ARSG: variants seen among roughly 807,000 people sequenced by gnomAD.
ARSG encodes arylsulfatase G.
In ARSG, 37 loss-of-function variants were observed where a neutral mutation model predicts 50.5. The observed-to-expected ratio is 0.73, with a 90% confidence interval of 0.56 to 0.96. The LOEUF is 0.96. ARSG is among the 50% of genes least tolerant of loss of function. The pLI is 0.00. For missense variants in ARSG, 629 were observed against 675.3 expected, an observed-to-expected ratio of 0.93 and a Z score of 0.76; for synonymous variants, 225 against 254.6, an observed-to-expected ratio of 0.88 and a Z score of 1.11.
At chr17:68,278,584 G>A (rs2075597526) in intron 1 of ARSG, among the ~76,000 whole-genome samples, 1 of 150,582 alleles carries the variant, frequency 6.6e-6, no homozygotes, top group Admixed American at 6.6e-5. Context: ...ACAGGCATGT[G>A]CCACCACAGC....
In ARSG at chr17:68,368,581, T is replaced by A; in HGVS notation, c.738T>A (p.Ala246=). 1.2e-6 allele frequency: 2 copies of A among 1,614,120 alleles called. No homozygotes were observed. The highest frequency in any genetic ancestry group is 1.7e-6 in the Non-Finnish European group (2 of 1,180,014). ...TSGRPFLLYV[A]LAHMHVPLPV... ...GGAGGCCCTTCCTGCTCTATGTGGC[T>A]CTGGCCCACATGCACGTGCCCTTAC... Residue 246 remains alanine (A), a synonymous_variant, in exon 7 of 12, where the codon GCT becomes GCA. Transcript: ENST00000621439.
At chr17:68,413,071 C>T (rs961648490) in intron 11 of ARSG, among the ~76,000 whole-genome samples, 2 of 151,858 alleles carry the variant, frequency 1.3e-5, no homozygotes, top group Non-Finnish European at 2.9e-5. Context: ...TTTGAATGTC[C>T]TCCCATAGCT....
intron 2 of ARSG, among the ~76,000 whole-genome samples, chr17:68,326,402 C>T (rs1273467153): frequency 2.6e-5 from 4 of 152,230 alleles, no homozygotes; most frequent in Non-Finnish European, 4.4e-5. Context: ...CGCGGTGGCT[C>T]ACACCTGTAA....
chr17:68,390,927 CTTT>C (rs34688174), intron 9 of ARSG, among the ~76,000 whole-genome samples: 2 of 141,250 alleles, frequency 1.4e-5, no homozygotes, highest in Admixed American at 7.1e-5. Context: ...GTGCCCGGTC[CTTT>C]TTTTTTTTTT....
intron 1 of ARSG, among the ~76,000 whole-genome samples, chr17:68,266,460 T>A (rs1426460797): frequency 1.0e-5 from 1 of 95,490 alleles, no homozygotes; most frequent in African/African-American, 4.2e-5. Flanking sequence ...AAAAAGTATA[T>A]ATATGTATAT....
intron 2 of ARSG, among the ~76,000 whole-genome samples, chr17:68,310,688 C>T (rs2076817800): frequency 6.6e-6 from 1 of 152,188 alleles, no homozygotes; most frequent in Admixed American, 6.5e-5. Context: ...ACGCATAGGG[C>T]ATCTCCACAG....
At chr17:68,266,437 CT>C (rs67615224) in intron 1 of ARSG, among the ~76,000 whole-genome samples, 1,408 of 95,118 alleles carry the variant, frequency 0.015, 70 homozygotes, top group African/African-American at 0.029. Context: ...TATATATATA[CT>C]TTTTTTTGTA....
intron 1 of ARSG, among the ~76,000 whole-genome samples, chr17:68,280,489 G>A (rs187190037): frequency 1.3e-5 from 2 of 152,084 alleles, no homozygotes; most frequent in Admixed American, 6.6e-5. Context: ...TAATCCACAT[G>A]TCTACACCCA....
chr17:68,354,420 A>AAAAAAAAG (rs1386172334), intron 5 of ARSG, among the ~76,000 whole-genome samples: 1 of 149,572 alleles, frequency 6.7e-6, no homozygotes, highest in African/African-American at 2.5e-5. Context: ...CTCAAAAAAA[A>AAAAAAAAG]AAAAAAAGAA....
At chr17:68,309,946 C>T (rs2076781976) in intron 2 of ARSG, among the ~76,000 whole-genome samples, 1 of 151,326 alleles carries the variant, frequency 6.6e-6, no homozygotes, top group Admixed American at 6.6e-5. Flanking sequence ...GAGCCCACAT[C>T]CAGAGTTTTT....
rs573784575 is a variant in ARSG, at chr17:68,357,401, A to G, written c.704+597A>G. On this transcript the variant is annotated intron_variant, in intron 6 of 11. Transcript: ENST00000621439. The stretch of plus-strand genomic sequence containing the variant: ...CTGAGCTATGGCCATATCATTCTCA[A>G]CTCTAATTCTGTTGTTCACTTGCAT... Among the ~76,000 whole-genome samples the G allele has an allele frequency of 9.7e-4, 147 of 151,992 alleles. 1 individual carries two copies. The South Asian group carries it at 0.01, about 11-fold the overall frequency.
At chr17:68,436,767 C>T in the ARSG span, among the ~76,000 whole-genome samples, 5 of 152,078 alleles carry the variant, frequency 3.3e-5, no homozygotes, top group Non-Finnish European at 2.9e-5. Flanking sequence ...CACTTTGAGG[C>T]GGGCGGATCA....
At chr17:68,426,060 G>A, downstream of ARSG, 1 of 1,610,762 alleles carries the variant, frequency 6.2e-7, no homozygotes, top group Non-Finnish European at 8.5e-7. Context: ...CCAGTTACGG[G>A]TTCCTAATGC....
intron 1 of ARSG, among the ~76,000 whole-genome samples, chr17:68,306,095 T>C (rs1164158307): frequency 2.6e-5 from 4 of 151,914 alleles, no homozygotes; most frequent in South Asian, 2.1e-4. Context: ...CTCTGCCTCC[T>C]GGGTTCAAGC....
At chr17:68,362,725 C>T (rs950507089) in intron 6 of ARSG, among the ~76,000 whole-genome samples, 2 of 152,198 alleles carry the variant, frequency 1.3e-5, no homozygotes, top group African/African-American at 4.8e-5. Context: ...CAGGTCAGTG[C>T]TCAAACAGTT....
the ARSG span, among the ~76,000 whole-genome samples, chr17:68,438,458 G>A: frequency 6.6e-6 from 1 of 152,248 alleles, no homozygotes; most frequent in East Asian, 1.9e-4. Context: ...AGATCTGGTT[G>A]TCTTGTGTGC....
the ARSG span, chr17:68,434,421 T>G: frequency 2.4e-6 from 2 of 822,390 alleles, no homozygotes; most frequent in South Asian, 3.6e-5. Context: ...GTCAATTACC[T>G]GGGAGAGTAG....
At chr17:68,267,697 C>A (rs1462172367) in intron 1 of ARSG, 1 of 152,112 alleles carries the variant, frequency 6.6e-6, no homozygotes, top group Non-Finnish European at 1.5e-5. Context: ...CACTTGCCCT[C>A]CTTACAGAAA....
chr17:68,440,286 G>A, the ARSG span, among the ~76,000 whole-genome samples: 1 of 152,160 alleles, frequency 6.6e-6, no homozygotes, highest in Non-Finnish European at 1.5e-5. Flanking sequence ...AAAATCCAAC[G>A]AGCCACACGA....
Sources: allele counts gnomAD v4.1 joint callset (sites outside exome capture counted in the v4.1 genomes callset), GRCh38; gene constraint gnomAD v4.1.1; transcripts MANE v1.5; gene names NCBI Gene and HGNC (gene_info 2026-07-23, HGNC 2026-07-21).